Variants in VWCE observed in about 807,000 individuals in gnomAD.
VWCE encodes von Willebrand factor C and EGF domain-containing protein.
VWCE carries 68 observed loss-of-function variants against 102.9 expected under a neutral mutation model. The observed-to-expected ratio is 0.66, with a 90% confidence interval of 0.54 to 0.81. The LOEUF is 0.81. VWCE is among the 30% of genes least tolerant of loss of function. VWCE has a pLI of 0.00. For synonymous variants in VWCE, 497 were observed against 515.4 expected (o/e 0.96, Z 0.48); for missense variants, 1,137 against 1,263.6 (o/e 0.90, Z 1.52).
At position 61,286,312 on chromosome 11, in the gene VWCE, A is replaced by T; in HGVS notation, c.541+2T>A. The stretch of plus-strand genomic sequence containing the variant: ...AGCAGCCATTCCTTCTCTGCAGCTC[A>T]CCTTGGCAGCTGTGGCGGTCGGCAG... On this transcript the variant is annotated splice_donor_variant, in intron 5 of 19. Transcript: ENST00000335613. LOFTEE classifies it high-confidence loss of function. 6.2e-7 allele frequency: 1 copy of T among 1,606,556 alleles called. No homozygotes were observed. The highest frequency in any genetic ancestry group is 1.1e-5 in the South Asian group (1 of 91,082).
At chr11:61,268,897 G>A (rs374481713) in intron 15 of VWCE, 25 bp downstream of exon 15, 1 of 1,610,126 alleles carries the variant, frequency 6.2e-7, no homozygotes, top group African/African-American at 1.3e-5. Context: ...TGCCCTGGGG[G>A]CTTGGGGCAG....
At chr11:61,288,347 C>T (rs928957179) in intron 4 of VWCE, among the ~76,000 whole-genome samples, 13 of 152,032 alleles carry the variant, frequency 8.6e-5, no homozygotes, top group African/African-American at 2.2e-4. Flanking sequence ...TGAGGACCTA[C>T]GGGCTCAGCT....
rs780529897 is a variant in VWCE at position 61,281,231 on chromosome 11, G to GA, written c.791dup (p.Lys266GlufsTer25). 1 of 1,612,386 alleles carries GA rather than the reference G, an allele frequency of 6.2e-7. No individual in the cohort carries two copies. Among genetic ancestry groups the GA allele is most frequent in the East Asian group, 2.2e-5 (1 of 44,850 alleles). ...CAGATGGGGCCAGCACGGCTTTCGGGAAAGCTGAAACAGAAGCACGGAGGT... is the reference window on the plus strand; with the variant it reads ...CAGATGGGGCCAGCACGGCTTTCGGGAAAAGCTGAAACAGAAGCACGGAGGT... On this transcript the variant is annotated frameshift_variant, in exon 8 of 20. Coordinates refer to ENST00000335613, the MANE Select transcript of VWCE (RefSeq NM_152718.2). LOFTEE classifies it high-confidence loss of function.
Position 61,268,927 on chromosome 11 carries a change from G to T in VWCE, c.1877C>A (p.Ser626Ter). 1.9e-6 allele frequency: 3 copies of T among 1,614,058 alleles called. No homozygotes were observed. Among genetic ancestry groups the T allele is most frequent in the East Asian group, 4.5e-5 (2 of 44,884 alleles). The change falls in exon 15 of 20, where the codon TCA becomes TAA. Residue 626 changes from serine to a stop codon, truncating the protein, a stop_gained. Coordinates refer to ENST00000335613, the MANE Select transcript of VWCE (RefSeq NM_152718.2). LOFTEE classifies it high-confidence loss of function. ...GGGCAGAGGCAGGGGATTACCTGCT[G>T]AACAGTCTGGGCAGCACTGTCCAGG... ...RIPGQCCPDC[S>*]AGCTYTGRIF...
At chr11:61,273,004 GAC>G (rs1038619868) in intron 13 of VWCE, among the ~76,000 whole-genome samples, 193 bp downstream of exon 13, 4 of 151,564 alleles carry the variant, frequency 2.6e-5, no homozygotes, top group African/African-American at 9.7e-5. Flanking sequence ...CAAACTCAGA[GAC>G]ACACAAACTT....
intron 1 of VWCE, among the ~76,000 whole-genome samples, chr11:61,292,238 A>AG (rs970086647): frequency 2.2e-4 from 32 of 148,354 alleles, no homozygotes; most frequent in South Asian, 6.2e-4. Flanking sequence ...AAAAAAAAAA[A>AG]AGAGAGAGAG....
At chr11:61,271,614 T>C in intron 14 of VWCE, 61 bp downstream of exon 14, 1 of 1,522,498 alleles carries the variant, frequency 6.6e-7, no homozygotes. Flanking sequence ...GACGCTTGTC[T>C]CCTCTGGGTG....
Position 61,274,485 on chromosome 11 carries a change from C to T in VWCE, c.1581+14G>A. 2 of 1,611,670 alleles carry T rather than the reference C, an allele frequency of 1.2e-6. No individual in the cohort carries two copies. The highest frequency in any genetic ancestry group is 8.5e-7 in the Non-Finnish European group (1 of 1,179,094). The stretch of plus-strand genomic sequence containing the variant: ...CATCAATTCCACAGGCTTTGGGACG[C>T]TCAGCCACCATACCTGGCAAACACA... On this transcript the variant is annotated intron_variant, in intron 12 of 19. Transcript: ENST00000335613.
At chr11:61,267,210 A>T (rs937669146) in intron 16 of VWCE, among the ~76,000 whole-genome samples, 7 of 152,148 alleles carry the variant, frequency 4.6e-5, no homozygotes, top group Non-Finnish European at 1.0e-4. Flanking sequence ...GTGAGCCAAG[A>T]TCACACCACT....
At chr11:61,279,752 G>T (rs1855056737) in intron 9 of VWCE, among the ~76,000 whole-genome samples, 1 of 151,764 alleles carries the variant, frequency 6.6e-6, no homozygotes, top group Non-Finnish European at 1.5e-5. Flanking sequence ...TTTAGCCAGG[G>T]TCTCACTCTG....
At chr11:61,290,953 C>A in intron 3 of VWCE, 26 bp from the exon 4 acceptor site, 1 of 1,603,700 alleles carries the variant, frequency 6.2e-7, no homozygotes, top group Non-Finnish European at 8.5e-7. Flanking sequence ...CACCAGTGAG[C>A]ATGCACCCCG....
intron 11 of VWCE, 121 bp downstream of exon 11, chr11:61,276,472 C>CT: frequency 1.4e-6 from 1 of 714,056 alleles, no homozygotes; most frequent in Non-Finnish European, 2.0e-6. Context: ...CATCCCAGCA[C>CT]TTTGAGAGGC....
At position 61,281,074 on chromosome 11, in the gene VWCE, G is replaced by T. The variant is rs544833700; in HGVS notation, c.949C>A (p.Arg317Ser). 1 of 1,605,456 alleles carries T rather than the reference G, an allele frequency of 6.2e-7. No individual in the cohort carries two copies. The highest frequency in any genetic ancestry group is 8.5e-7 in the Non-Finnish European group (1 of 1,175,518). The change falls in exon 8 of 20, where the codon CGC (arginine) becomes AGC (serine). Residue 317 changes from arginine to serine, a missense_variant. Physicochemically the swap from Arg to Ser is moderately radical, Grantham distance 110 (BLOSUM62 -1). Coordinates refer to ENST00000335613, the MANE Select transcript of VWCE (RefSeq NM_152718.2). ...AGTCGTGGGGTGGGAGATGGCAGGC[G>T]GGTGGTCCTGACTCCGGCTGGGGGC... ...PGPPAGVRTT[R>S]LPSPTPRLPT... is the part of the protein sequence containing the mutation.
intron 6 of VWCE, 73 bp from the exon 7 acceptor site, chr11:61,281,987 T>C: frequency 6.4e-7 from 1 of 1,555,070 alleles, no homozygotes; most frequent in Non-Finnish European, 8.7e-7. Flanking sequence ...ATCCCTTAGC[T>C]CAAAACACTT....
In VWCE at chr11:61,281,161, G is replaced by A. The variant is rs1369051119; in HGVS notation, c.862C>T (p.Leu288Phe). The A allele has an allele frequency of 1.2e-6, 2 of 1,613,728 alleles. No individual in the cohort carries two copies. ...AGGGCAGGCCGGCCGGCCTCAGGAA[G>A]CAACAGAAGCATCTTGGACGGGTGT... Reference protein sequence around the residue: ...RQHPSKMLLLLPEAGRPALSP... With the variant: ...RQHPSKMLLLFPEAGRPALSP... The change falls in exon 8 of 20, where the codon CTT becomes TTT. Residue 288 changes from leucine to phenylalanine, a missense_variant. Physicochemically the swap from Leu to Phe is conservative, Grantham distance 22 (BLOSUM62 0). Transcript: ENST00000335613.
In VWCE at chr11:61,282,810, C is replaced by T. The variant is rs1407631145; in HGVS notation, c.637G>A (p.Gly213Ser). Reference protein sequence around the residue: ...CSCRTGFHLHGNRHSCVDVNE... With the variant: ...CSCRTGFHLHSNRHSCVDVNE... ...TTACCTACACAGGAGTGCCGGTTGC[C>T]ATGAAGGTGGAAGCCAGTTCGACAG... The change falls in exon 6 of 20, where the codon GGC (glycine) becomes AGC (serine). Residue 213 changes from glycine (G) to serine (S), a missense_variant. Physicochemically the swap from Gly to Ser is moderately conservative, Grantham distance 56. Coordinates refer to ENST00000335613, the MANE Select transcript of VWCE (RefSeq NM_152718.2). 6.2e-7 allele frequency: 1 copy of T among 1,614,210 alleles called. No homozygotes were observed. The highest frequency in any genetic ancestry group is 8.5e-7 in the Non-Finnish European group (1 of 1,180,030).
intron 19 of VWCE, among the ~76,000 whole-genome samples, chr11:61,262,647 G>A (rs1194676997): frequency 6.6e-6 from 1 of 152,120 alleles, no homozygotes; most frequent in Non-Finnish European, 1.5e-5. Context: ...GATATTCCTG[G>A]CGCCACCCGC....
intron 4 of VWCE, among the ~76,000 whole-genome samples, chr11:61,286,953 T>C (rs1490153570): frequency 1.3e-5 from 2 of 149,524 alleles, no homozygotes; most frequent in South Asian, 2.1e-4. Flanking sequence ...AAAAATTAGC[T>C]GGGCGCGGTG....
chr11:61,274,795 T>G (rs546895727), intron 11 of VWCE, among the ~76,000 whole-genome samples: 2 of 152,244 alleles, frequency 1.3e-5, no homozygotes, highest in Admixed American at 1.3e-4. Flanking sequence ...GGTGTGGCAG[T>G]TCATGTCTGT....
Sources: allele counts gnomAD v4.1 joint callset (sites outside exome capture counted in the v4.1 genomes callset), GRCh38; gene constraint gnomAD v4.1.1; transcripts MANE v1.5; gene names NCBI Gene and HGNC (gene_info 2026-07-23, HGNC 2026-07-21).